METAP1D: variants seen among roughly 807,000 people sequenced by gnomAD.
The protein encoded by METAP1D is methionyl aminopeptidase type 1D, mitochondrial, also known as methionine aminopeptidase 1D, mitochondrial.
Under a neutral mutation model 40.5 loss-of-function variants are expected in METAP1D, and 31 were observed. The ratio of observed to expected loss-of-function variants is 0.77; its 90% confidence interval spans 0.58 to 1.03. METAP1D has a LOEUF of 1.03. Among genes scored for constraint, METAP1D ranks in the 50% least tolerant of loss-of-function variants. METAP1D has a pLI of 0.00. For missense variants in METAP1D, 411 were observed against 420.7 expected (o/e 0.98, Z 0.20); for synonymous variants, 151 against 146.4 (o/e 1.03, Z -0.22).
intron 6 of METAP1D, among the ~76,000 whole-genome samples, chr2:172,074,017 A>C (rs1690484685): frequency 6.6e-6 from 1 of 151,994 alleles, no homozygotes; most frequent in African/African-American, 2.4e-5. Flanking sequence ...TAATGGAAAG[A>C]GTTCTCTCTG....
rs1419998198 is a variant in METAP1D, at chr2:172,042,647, GTA to G, written c.41-18849_41-18848del. ...TATGTGTACACATATACATATGTGT[GTA>G]TGTGTATATGTGTACACATATACGT... On this transcript the variant is annotated intron_variant, in intron 1 of 9. Coordinates refer to ENST00000315796, the MANE Select transcript of METAP1D (RefSeq NM_199227.3). Among the ~76,000 whole-genome samples, 6 of 44,864 alleles carry G rather than the reference GTA, an allele frequency of 1.3e-4. 3 individuals are homozygous for G. The highest frequency in any genetic ancestry group is 9.8e-4 in the Admixed American group (4 of 4,080). 29.4% of individuals were successfully genotyped at this position (44,864 alleles called of 152,430 possible). A position where few individuals can be genotyped will look rare whatever the true frequency, so the allele number is the denominator to read the frequency against.
intron 1 of METAP1D, among the ~76,000 whole-genome samples, chr2:172,001,848 G>T (rs182439043): frequency 3.0e-4 from 45 of 152,202 alleles, no homozygotes; most frequent in African/African-American, 9.9e-4. Context: ...ATATTACCCA[G>T]CACTTTGGGA....
At chr2:172,036,163 A>G (rs1294919677) in intron 1 of METAP1D, among the ~76,000 whole-genome samples, 1 of 151,234 alleles carries the variant, frequency 6.6e-6, no homozygotes, top group Non-Finnish European at 1.5e-5. Context: ...TAAAAATACA[A>G]AAAGTTAGCT....
At chr2:172,077,941 G>A (rs1690587227) in intron 7 of METAP1D, 47 bp downstream of exon 7, 1 of 1,085,658 alleles carries the variant, frequency 9.2e-7, no homozygotes, top group Non-Finnish European at 1.4e-6. Context: ...AGATCAAGAT[G>A]TGGCAGCTTT....
chr2:172,003,818 G>A (rs1000783256), intron 1 of METAP1D, among the ~76,000 whole-genome samples: 2 of 151,856 alleles, frequency 1.3e-5, no homozygotes, highest in African/African-American at 4.8e-5. Flanking sequence ...AGGGTGAAGT[G>A]CAGTGGTGCG....
intron 1 of METAP1D, among the ~76,000 whole-genome samples, chr2:172,052,129 G>A (rs1689897914): frequency 6.6e-6 from 1 of 152,178 alleles, no homozygotes; most frequent in Non-Finnish European, 1.5e-5. Flanking sequence ...AAGAAAATGA[G>A]CTGTTTTCCA....
At chr2:172,008,856 A>G (rs1306498213) in intron 1 of METAP1D, among the ~76,000 whole-genome samples, 2 of 152,160 alleles carry the variant, frequency 1.3e-5, no homozygotes, top group African/African-American at 2.4e-5. Context: ...ATCCTGGATC[A>G]CTAAGCCATG....
rs542250808 is a variant in METAP1D, at chr2:172,025,453, C to T, written c.40+25444C>T. ...AATCAATCCACCCACCTCAGCCTCCCGAGTAGCTGGGACTACAGGCAAGTG... is the reference window on the plus strand; with the variant it reads ...AATCAATCCACCCACCTCAGCCTCCTGAGTAGCTGGGACTACAGGCAAGTG... On this transcript the variant is annotated intron_variant, in intron 1 of 9. Transcript: ENST00000315796. Among the ~76,000 whole-genome samples, 5 of 152,186 alleles carry T rather than the reference C, an allele frequency of 3.3e-5. No homozygotes were observed. In the South Asian group the frequency reaches 8.3e-4, roughly 25 times the overall value.
intron 1 of METAP1D, among the ~76,000 whole-genome samples, chr2:172,055,244 A>C (rs1232372861): frequency 6.6e-6 from 1 of 151,324 alleles, no homozygotes; most frequent in Non-Finnish European, 1.5e-5. Flanking sequence ...TCTGTCTCTG[A>C]AGATGGTCAT....
At chr2:172,072,484 C>T (rs1690446540) in intron 6 of METAP1D, 1 of 167,016 alleles carries the variant, frequency 6.0e-6, no homozygotes, top group Admixed American at 6.5e-5. Flanking sequence ...CACGGAACAA[C>T]AAATGATAGC....
At chr2:172,063,686 T>G (rs1690184517) in intron 2 of METAP1D, 25 bp from the exon 3 acceptor site, 14 of 1,581,362 alleles carry the variant, frequency 8.9e-6, no homozygotes, top group Non-Finnish European at 1.2e-5. Flanking sequence ...GTTCTGATCT[T>G]CGTTTTCAAT....
chr2:172,000,795 T>C (rs1476326282), intron 1 of METAP1D, among the ~76,000 whole-genome samples: 1 of 152,202 alleles, frequency 6.6e-6, no homozygotes, highest in Non-Finnish European at 1.5e-5. Flanking sequence ...TTACATATGC[T>C]TGCTTCCTTT....
chr2:172,072,057 G>A (rs1690432546), intron 6 of METAP1D, among the ~76,000 whole-genome samples: 1 of 152,106 alleles, frequency 6.6e-6, no homozygotes, highest in South Asian at 2.1e-4. Flanking sequence ...TGAAGACTTT[G>A]AACAAAATTG....
chr2:172,041,726 T>TTTTTA (rs1273069042), intron 1 of METAP1D, among the ~76,000 whole-genome samples: 1 of 37,560 alleles, frequency 2.7e-5, no homozygotes, highest in Non-Finnish European at 6.4e-5. Context: ...TCTAATTATT[T>TTTTTA]TATATATATA....
At chr2:172,079,149 T>G in intron 7 of METAP1D, 66 bp from the exon 8 acceptor site, 5 of 1,534,318 alleles carry the variant, frequency 3.3e-6, no homozygotes, top group Non-Finnish European at 4.5e-6. Context: ...CTGACCCCTG[T>G]AATCTGTTTT....
At chr2:172,013,060 A>G (rs1309127391) in intron 1 of METAP1D, among the ~76,000 whole-genome samples, 2 of 152,238 alleles carry the variant, frequency 1.3e-5, no homozygotes, top group Non-Finnish European at 2.9e-5. Context: ...GATTTAGCCT[A>G]GTTTACAAGA....
chr2:172,065,774 A>G (rs753713998), intron 4 of METAP1D, 22 bp downstream of exon 4: 1 of 1,606,916 alleles, frequency 6.2e-7, no homozygotes, highest in East Asian at 2.2e-5. Context: ...TTAATAACAT[A>G]TTGTTCCTTT....
At chr2:172,045,815 GTGTGTATATA>G (rs1356927106) in intron 1 of METAP1D, among the ~76,000 whole-genome samples, 581 of 24,082 alleles carry the variant, frequency 0.024, 6 homozygotes, top group Non-Finnish European at 0.031. Flanking sequence ...GTGTGTGTGT[GTGTGTATATA>G]TATATATATA....
chr2:172,079,418 G>A (rs1690642797), intron 8 of METAP1D, among the ~76,000 whole-genome samples, 156 bp downstream of exon 8: 1 of 152,188 alleles, frequency 6.6e-6, no homozygotes, highest in Non-Finnish European at 1.5e-5. Context: ...ATATCCTCAA[G>A]CCCCATCTTC....
Sources: gnomAD v4.1 joint callset for allele counts (sites outside exome capture counted in the v4.1 genomes callset) on GRCh38, gnomAD v4.1.1 for gene constraint, MANE v1.5 for transcripts, NCBI Gene and HGNC (gene_info 2026-07-23, HGNC 2026-07-21) for gene names.